The following DNAH14 variants were observed in gnomAD, a reference collection of about 807,000 sequenced individuals.
The protein encoded by DNAH14 is axonemal beta dynein heavy chain 14.
In DNAH14, 478 loss-of-function variants were observed where a neutral mutation model predicts 520.9. The ratio of observed to expected loss-of-function variants is 0.92; its 90% CI spans 0.85 to 0.99. The LOEUF (loss-of-function observed/expected upper bound fraction) is 0.99, where lower values mean the gene tolerates loss of function less well. Among genes scored for constraint, DNAH14 ranks in the 50% least tolerant of loss-of-function variants. The pLI is 0.00. For synonymous variants in DNAH14, 1,581 were observed against 1,757.2 expected (o/e 0.90, Z 2.51); for missense variants, 4,831 against 5,234.5 (o/e 0.92, Z 2.38).
At chr1:225,062,630 A>G (rs1174187841) in intron 17 of DNAH14, among the ~76,000 whole-genome samples, 2 of 152,214 alleles carry the variant, frequency 1.3e-5, no homozygotes, top group African/African-American at 2.4e-5. Context: ...GTTCACAAAG[A>G]TGAATTGGAA....
intron 17 of DNAH14, among the ~76,000 whole-genome samples, chr1:225,059,066 A>G (rs1164837245): frequency 6.6e-6 from 1 of 152,182 alleles, no homozygotes; most frequent in African/African-American, 2.4e-5. Flanking sequence ...GCTGAGTTCA[A>G]TTGCTGGATA....
At chr1:225,248,581 CA>C (rs1257888958) in intron 43 of DNAH14, among the ~76,000 whole-genome samples, 3 of 151,832 alleles carry the variant, frequency 2.0e-5, no homozygotes. Flanking sequence ...AAATACAAAC[CA>C]AAAGAAAACA....
At chr1:225,062,821 A>G (rs1193656278) in intron 17 of DNAH14, among the ~76,000 whole-genome samples, 1 of 152,244 alleles carries the variant, frequency 6.6e-6, no homozygotes, top group Non-Finnish European at 1.5e-5. Flanking sequence ...GATTAAAGAT[A>G]GACCTCAAAG....
At chr1:225,032,304 T>C (rs2066590381) in intron 11 of DNAH14, among the ~76,000 whole-genome samples, 1 of 152,086 alleles carries the variant, frequency 6.6e-6, no homozygotes, top group Admixed American at 6.6e-5. Flanking sequence ...ATCATTTAGC[T>C]CCCACTTATA....
chr1:225,269,101 A>C (rs1341913495), intron 49 of DNAH14, among the ~76,000 whole-genome samples: 5 of 152,240 alleles, frequency 3.3e-5, no homozygotes, highest in Non-Finnish European at 7.3e-5. Flanking sequence ...ACCGTAACCA[A>C]AACAGCATCG....
chr1:225,191,940 C>G (rs1053861026), intron 37 of DNAH14, among the ~76,000 whole-genome samples: 2 of 151,920 alleles, frequency 1.3e-5, no homozygotes. Context: ...CCTACTTGTT[C>G]TTACACCATT....
chr1:225,023,557 C>A, intron 10 of DNAH14, 58 bp from the exon 11 acceptor site: 1 of 1,349,256 alleles, frequency 7.4e-7, no homozygotes. Context: ...AACTAGAAAT[C>A]ATGCTATATT....
At chr1:225,119,863 A>G (rs2077156837) in intron 26 of DNAH14, among the ~76,000 whole-genome samples, 1 of 152,192 alleles carries the variant, frequency 6.6e-6, no homozygotes, top group Non-Finnish European at 1.5e-5. Flanking sequence ...AGGTTTTTAT[A>G]TCTATAGTTG....
chr1:225,173,913 T>C (rs1484017248), intron 36 of DNAH14, among the ~76,000 whole-genome samples: 1 of 152,230 alleles, frequency 6.6e-6, no homozygotes, highest in Non-Finnish European at 1.5e-5. Flanking sequence ...ATATACACCA[T>C]GGAATACTAT....
At chr1:225,327,303 AC>A (rs2094695929) in intron 64 of DNAH14, among the ~76,000 whole-genome samples, 1 of 151,660 alleles carries the variant, frequency 6.6e-6, no homozygotes, top group Non-Finnish European at 1.5e-5. Flanking sequence ...GACTACAGGC[AC>A]CCACCACCAC....
At chr1:225,193,048 A>G (rs977312173) in intron 38 of DNAH14, 137 bp downstream of exon 38, 3 of 664,846 alleles carry the variant, frequency 4.5e-6, no homozygotes, top group Non-Finnish European at 7.0e-6. Context: ...AATAGTTTTT[A>G]AAAAGAGAAA....
chr1:225,200,422 AT>A (rs1011941307), intron 38 of DNAH14, among the ~76,000 whole-genome samples: 5 of 151,492 alleles, frequency 3.3e-5, no homozygotes, highest in African/African-American at 4.9e-5. Flanking sequence ...TTTTAATTGT[AT>A]TTTTTATAGG....
At chr1:225,040,341 T>C (rs1395812223) in intron 12 of DNAH14, among the ~76,000 whole-genome samples, 1 of 152,236 alleles carries the variant, frequency 6.6e-6, no homozygotes, top group Middle Eastern at 3.2e-3. Flanking sequence ...CTATGTAGTT[T>C]GAAGTTTGAA....
chr1:224,947,623 ACTT>A (rs1357856496), intron 1 of DNAH14, among the ~76,000 whole-genome samples: 2 of 151,912 alleles, frequency 1.3e-5, no homozygotes, highest in Non-Finnish European at 2.9e-5. Flanking sequence ...ACTTTTTCTA[ACTT>A]CTTAATTTGG....
At chr1:225,142,041 ATACTT>A (rs1263091689) in intron 28 of DNAH14, among the ~76,000 whole-genome samples, 1 of 152,214 alleles carries the variant, frequency 6.6e-6, no homozygotes, top group Non-Finnish European at 1.5e-5. Context: ...TTTTATCTGA[ATACTT>A]TATATCTGAT....
intron 12 of DNAH14, among the ~76,000 whole-genome samples, chr1:225,039,741 A>G (rs1324477906): frequency 3.7e-4 from 55 of 149,472 alleles, no homozygotes; most frequent in African/African-American, 1.3e-3. Flanking sequence ...AGCCGGGCGT[A>G]GTGGCGGGCG....
intron 23 of DNAH14, among the ~76,000 whole-genome samples, chr1:225,102,556 C>T (rs1253951590): frequency 3.9e-5 from 6 of 152,026 alleles, no homozygotes; most frequent in African/African-American, 7.2e-5. Flanking sequence ...GCACCTGTTG[C>T]TTCCTGACTT....
chr1:225,275,185 G>C (rs675249), intron 52 of DNAH14, among the ~76,000 whole-genome samples: 92,337 of 151,972 alleles, frequency 0.61, 28,627 homozygotes, highest in East Asian at 0.83. Flanking sequence ...AGCCATTTGC[G>C]AAACAAACAT....
At chr1:225,086,047 A>G (rs2073740508) in intron 21 of DNAH14, among the ~76,000 whole-genome samples, 2 of 151,820 alleles carry the variant, frequency 1.3e-5, no homozygotes, top group Admixed American at 1.3e-4. Flanking sequence ...CCTTATAACC[A>G]TGGCTTATCA....
Sources: gnomAD v4.1 joint callset for allele counts (sites outside exome capture counted in the v4.1 genomes callset) on GRCh38, gnomAD v4.1.1 for gene constraint, MANE v1.5 for transcripts, NCBI Gene and HGNC (gene_info 2026-07-23, HGNC 2026-07-21) for gene names.